The following TRHDE variants were observed in gnomAD, a reference collection of about 807,000 sequenced individuals.
TRHDE encodes thyrotropin releasing hormone degrading enzyme.
In TRHDE, 72 loss-of-function variants were observed where a neutral mutation model predicts 125.7. The observed-to-expected ratio is 0.57, with a 90% confidence interval of 0.47 to 0.70. TRHDE has a LOEUF of 0.70. TRHDE is among the 30% of genes least tolerant of loss of function. The pLI, the probability that TRHDE is intolerant of heterozygous loss-of-function variation, is 0.00. For missense variants in TRHDE, 1,110 were observed against 1,327.1 expected, an observed-to-expected ratio of 0.84 and a Z score of 2.54; for synonymous variants, 509 against 509.1, an observed-to-expected ratio of 1.00 and a Z score of 0.00.
rs1278090219 is a variant in TRHDE, at chr12:72,669,656, CATTCATT to C, written c.*6465_*6471del. On this transcript the variant is annotated 3_prime_UTR_variant, in exon 19 of 19. Transcript: ENST00000261180. ...TAGCGTATGACCTACTCAGTGAGAA[CATTCATT>C]ATTAAGTTTTTGCTATTAATTTTCA... 1 of 151,716 alleles carries C rather than the reference CATTCATT, an allele frequency of 6.6e-6. No individual in the cohort carries two copies. Among genetic ancestry groups the C allele is most frequent in the Non-Finnish European group, 1.5e-5 (1 of 67,780 alleles). The allele number at this position is 151,716 out of a possible 1,614,324, so 9.4% of individuals were successfully genotyped here. A position where few individuals can be genotyped will look rare whatever the true frequency, so the allele number is the denominator to read the frequency against.
At chr12:72,248,040 T>C (rs536013607) in intron 2 of TRHDE, among the ~76,000 whole-genome samples, 9 of 152,344 alleles carry the variant, frequency 5.9e-5, no homozygotes, top group Non-Finnish European at 1.0e-4. Flanking sequence ...TGTATGTGTG[T>C]ACATATGTAT....
intron 2 of TRHDE, among the ~76,000 whole-genome samples, chr12:72,301,038 G>A (rs1868253517): frequency 6.6e-6 from 1 of 152,100 alleles, no homozygotes; most frequent in Admixed American, 6.6e-5. Flanking sequence ...CCACAGTGAA[G>A]CATTTTGCTT....
chr12:72,537,413 A>C (rs945739963), intron 6 of TRHDE, among the ~76,000 whole-genome samples: 1 of 151,994 alleles, frequency 6.6e-6, no homozygotes, highest in African/African-American at 2.4e-5. Flanking sequence ...AATCGAATTC[A>C]CATGAGATCT....
At position 72,548,061 on chromosome 12, in the gene TRHDE, C is replaced by A. The variant is rs146108676; in HGVS notation, c.1788+5705C>A. 5.1e-4 allele frequency among the ~76,000 whole-genome samples: 77 copies of A among 151,850 alleles called. 1 individual carries two copies. The East Asian group carries it at 7.8e-3, about 15-fold the overall frequency. On this transcript the variant is annotated intron_variant, in intron 7 of 18. Coordinates refer to ENST00000261180, the MANE Select transcript of TRHDE (RefSeq NM_013381.3). ...ATCTGGTTTTGTCATTAAAATGTTGCAAATGTAAGTAGAGTCCTTACTAGT... is the reference window on the plus strand; with the variant it reads ...ATCTGGTTTTGTCATTAAAATGTTGAAAATGTAAGTAGAGTCCTTACTAGT...
At position 72,093,892 on chromosome 12, in the gene TRHDE, T is replaced by G. The variant is rs537098530; in HGVS notation, n.174+6453T>G. Among the ~76,000 whole-genome samples the G allele has an allele frequency of 2.6e-4, 40 of 152,344 alleles. 1 individual carries two copies. Among genetic ancestry groups the G allele is most frequent in the African/African-American group, 9.6e-4 (40 of 41,570 alleles). ...TTTTGTGGTGTCATGTTTGACTGGT[T>G]CTTTATGATCTGTATGGCCTTGCAT... On this transcript the variant is annotated intron_variant and non_coding_transcript_variant, in intron 1 of 4. Transcript: ENST00000548156.
intron 2 of TRHDE, among the ~76,000 whole-genome samples, chr12:72,308,121 G>A (rs914814273): frequency 2.6e-5 from 4 of 151,382 alleles, no homozygotes; most frequent in African/African-American, 9.7e-5. Context: ...TATGGAGGGA[G>A]GAACTAGCGA....
chr12:72,256,085 C>A (rs1483981004), intron 2 of TRHDE: 1 of 152,194 alleles, frequency 6.6e-6, no homozygotes, highest in East Asian at 1.9e-4. Context: ...TACAATAGGT[C>A]ATGTCATTCC....
intron 2 of TRHDE, among the ~76,000 whole-genome samples, chr12:72,323,498 T>G (rs931001932): frequency 6.6e-6 from 1 of 152,168 alleles, no homozygotes; most frequent in South Asian, 2.1e-4. Flanking sequence ...TCCATTTAGG[T>G]GGTCATGCCT....
intron 2 of TRHDE, among the ~76,000 whole-genome samples, chr12:72,343,145 T>C (rs965463582): frequency 5.9e-5 from 9 of 152,126 alleles, no homozygotes; most frequent in Non-Finnish European, 8.8e-5. Flanking sequence ...ATATTGATGA[T>C]GTCGACTTGA....
At chr12:72,403,455 T>A (rs1273971651) in intron 3 of TRHDE, among the ~76,000 whole-genome samples, 1 of 152,230 alleles carries the variant, frequency 6.6e-6, no homozygotes, top group Non-Finnish European at 1.5e-5. Flanking sequence ...CTTTTTTTAT[T>A]TCATTCTCAC....
At chr12:72,467,684 G>A (rs12370960) in intron 3 of TRHDE, among the ~76,000 whole-genome samples, 53 of 152,036 alleles carry the variant, frequency 3.5e-4, no homozygotes, top group Non-Finnish European at 5.9e-4. Flanking sequence ...GCATGGTGGC[G>A]CGTGCCTGTA....
intron 2 of TRHDE, among the ~76,000 whole-genome samples, chr12:72,166,541 T>C (rs1334308525): frequency 6.6e-6 from 1 of 152,204 alleles, no homozygotes. Flanking sequence ...TTTGGCAGTG[T>C]CTGATTCACC....
rs567229424 is a variant in TRHDE, at chr12:72,481,341, A to T, written c.1584+8161A>T. On this transcript the variant is annotated intron_variant, in intron 5 of 18. Transcript: ENST00000261180. ...ATAGAATAAAAAAAAAAAAAACCAG[A>T]AAAATAGAAAAGAGCCTCCTGTGAA... 4.0e-5 allele frequency among the ~76,000 whole-genome samples: 6 copies of T among 151,214 alleles called. No individual in the cohort carries two copies. The East Asian group carries it at 1.2e-3, about 29-fold the overall frequency.
chr12:72,588,893 CCTT>C (rs1871553547), intron 12 of TRHDE, among the ~76,000 whole-genome samples: 4 of 152,088 alleles, frequency 2.6e-5, no homozygotes, highest in African/African-American at 7.2e-5. Context: ...GCAAACATGT[CCTT>C]CTTCACAAGG....
At chr12:72,222,036 A>G (rs1484825) in intron 2 of TRHDE, among the ~76,000 whole-genome samples, 2,017 of 152,208 alleles carry the variant, frequency 0.013, 46 homozygotes, top group African/African-American at 0.047. Context: ...AGGGACTCCA[A>G]TTTCTTACAT....
chr12:72,517,720 C>T (rs1216205811), intron 6 of TRHDE, among the ~76,000 whole-genome samples: 1 of 151,688 alleles, frequency 6.6e-6, no homozygotes, highest in Non-Finnish European at 1.5e-5. Flanking sequence ...TTTTCTAGTT[C>T]TTTTAATTGT....
intron 7 of TRHDE, among the ~76,000 whole-genome samples, chr12:72,551,961 C>G (rs1004343601): frequency 6.6e-6 from 1 of 151,814 alleles, no homozygotes; most frequent in Non-Finnish European, 1.5e-5. Context: ...GGGAGGAGCC[C>G]TACAAAGGGT....
chr12:72,205,336 T>G (rs1249459481), intron 2 of TRHDE, among the ~76,000 whole-genome samples: 1 of 152,108 alleles, frequency 6.6e-6, no homozygotes, highest in African/African-American at 2.4e-5. Flanking sequence ...AGCACTGTTT[T>G]TTTTTTTTTT....
intron 3 of TRHDE, among the ~76,000 whole-genome samples, chr12:72,436,674 A>C (rs1189292718): frequency 6.6e-6 from 1 of 151,956 alleles, no homozygotes; most frequent in East Asian, 1.9e-4. Context: ...TACTCTTCAG[A>C]ATTAATGATC....
Sources: gnomAD v4.1 joint callset for allele counts (sites outside exome capture counted in the v4.1 genomes callset) on GRCh38, gnomAD v4.1.1 for gene constraint, MANE v1.5 for transcripts, NCBI Gene and HGNC (gene_info 2026-07-23, HGNC 2026-07-21) for gene names.